EXOC6B: variants seen among roughly 807,000 people sequenced by gnomAD.
The protein encoded by EXOC6B is exocyst complex component 6B.
A neutral mutation model predicts 113.5 loss-of-function variants in EXOC6B; 54 were observed. The observed-to-expected ratio is 0.48, with a 90% CI of 0.38 to 0.60. EXOC6B has a LOEUF of 0.60. Ranked by LOEUF, EXOC6B falls within the 20% of genes least tolerant of loss-of-function variation. The pLI is 0.00. For missense variants in EXOC6B, 797 were observed against 977.5 expected (o/e 0.82, Z 2.46); for synonymous variants, 357 against 339.0 (o/e 1.05, Z -0.58).
chr2:72,663,169 C>A (rs1675145302), intron 6 of EXOC6B, among the ~76,000 whole-genome samples: 1 of 152,156 alleles, frequency 6.6e-6, no homozygotes, highest in Admixed American at 6.5e-5. Flanking sequence ...TGTAATACAT[C>A]CTTACAATGG....
intron 6 of EXOC6B, among the ~76,000 whole-genome samples, chr2:72,603,068 A>G (rs1370893842): frequency 3.0e-5 from 2 of 66,780 alleles, no homozygotes; most frequent in Admixed American, 2.3e-4. Flanking sequence ...GTGTACGGAC[A>G]GATGGTTTTT....
At chr2:72,691,597 TA>T (rs886758358) in intron 6 of EXOC6B, among the ~76,000 whole-genome samples, 5 of 151,458 alleles carry the variant, frequency 3.3e-5, no homozygotes, top group South Asian at 4.2e-4. Context: ...ACTATATGGG[TA>T]AAAAAAATTT....
At chr2:72,749,478 G>A (rs566447015) in intron 1 of EXOC6B, among the ~76,000 whole-genome samples, 6 of 151,774 alleles carry the variant, frequency 4.0e-5, no homozygotes, top group African/African-American at 9.7e-5. Flanking sequence ...AAGTAATTGC[G>A]GTTTTGCCAT....
At chr2:72,201,363 C>G (rs1312295578) in intron 20 of EXOC6B, among the ~76,000 whole-genome samples, 2 of 152,064 alleles carry the variant, frequency 1.3e-5, no homozygotes, top group African/African-American at 4.8e-5. Flanking sequence ...GCCCAGAAAG[C>G]AGGCAGCCTG....
intron 8 of EXOC6B, among the ~76,000 whole-genome samples, chr2:72,551,144 A>G (rs1053828569): frequency 6.6e-6 from 1 of 152,168 alleles, no homozygotes; most frequent in African/African-American, 2.4e-5. Flanking sequence ...ATGTGTGATT[A>G]AATTATTTCA....
At position 72,580,860 on chromosome 2, in the gene EXOC6B, T is replaced by A. The variant is rs117183706; in HGVS notation, c.670-5192A>T. On this transcript the variant is annotated intron_variant, in intron 6 of 21. Coordinates refer to ENST00000272427, the MANE Select transcript of EXOC6B (RefSeq NM_015189.3). ...CTGACAGAAATGTTTCTTTGCTTTG[T>A]TCCTTCCATAGTCAGTTCCAAAAGT... is the stretch of plus-strand genomic sequence containing the variant. Among the ~76,000 whole-genome samples, 157 of 152,354 alleles carry A rather than the reference T, an allele frequency of 1.0e-3. 2 individuals carry two copies. In the East Asian group the frequency reaches 0.026, roughly 25 times the overall value.
intron 19 of EXOC6B, among the ~76,000 whole-genome samples, chr2:72,346,529 C>T (rs1457331354): frequency 1.3e-5 from 2 of 151,994 alleles, no homozygotes; most frequent in Non-Finnish European, 2.9e-5. Context: ...GGTTGAATCT[C>T]AAAAGGTAAA....
intron 6 of EXOC6B, among the ~76,000 whole-genome samples, chr2:72,585,257 A>G (rs1042586362): frequency 1.3e-5 from 2 of 152,226 alleles, no homozygotes; most frequent in Admixed American, 1.3e-4. Flanking sequence ...ATTATGAGCT[A>G]GATTAACAAA....
intron 17 of EXOC6B, among the ~76,000 whole-genome samples, chr2:72,467,778 A>C (rs192331393): frequency 1.4e-5 from 2 of 147,984 alleles, no homozygotes; most frequent in African/African-American, 2.5e-5. Context: ...TTTTTTATTT[A>C]TTTTTTTTTT....
At chr2:72,598,017 C>T (rs1157242052) in intron 6 of EXOC6B, among the ~76,000 whole-genome samples, 5 of 151,802 alleles carry the variant, frequency 3.3e-5, no homozygotes, top group African/African-American at 1.2e-4. Context: ...CAACACACAT[C>T]TATCAATAAT....
chr2:72,498,604 CGG>C, intron 12 of EXOC6B, 53 bp from the exon 13 acceptor site: 1 of 1,092,776 alleles, frequency 9.2e-7, no homozygotes, highest in East Asian at 3.0e-5. Flanking sequence ...GTTTTTTTTT[CGG>C]TTTTTTTTTT....
chr2:72,783,815 A>ATTTCC (rs1367804207), intron 1 of EXOC6B, among the ~76,000 whole-genome samples: 5 of 151,978 alleles, frequency 3.3e-5, no homozygotes, highest in Non-Finnish European at 5.9e-5. Flanking sequence ...ACTGCTGACC[A>ATTTCC]TTTCCTTTGC....
intron 6 of EXOC6B, among the ~76,000 whole-genome samples, chr2:72,598,989 AAT>A (rs1670234620): frequency 6.6e-6 from 1 of 152,106 alleles, no homozygotes; most frequent in Non-Finnish European, 1.5e-5. Context: ...GAAATTATTG[AAT>A]TCTCTACAAT....
rs531085032 is a variant in EXOC6B, at chr2:72,588,246, T to C, written c.670-12578A>G. Among the ~76,000 whole-genome samples the C allele has an allele frequency of 2.0e-5, 3 of 152,220 alleles. No individual in the cohort carries two copies. In the East Asian group the frequency reaches 5.8e-4, roughly 29 times the overall value. Reference sequence around the variant, plus strand: ...CTGCAAGCACATGTCCGTTGCAGCATTATTAACAACAGCCAAGAGGTGAAA... The same window carrying C: ...CTGCAAGCACATGTCCGTTGCAGCACTATTAACAACAGCCAAGAGGTGAAA... On this transcript the variant is annotated intron_variant, in intron 6 of 21. Coordinates refer to ENST00000272427, the MANE Select transcript of EXOC6B (RefSeq NM_015189.3).
intron 19 of EXOC6B, among the ~76,000 whole-genome samples, chr2:72,375,627 T>C (rs1261100427): frequency 6.6e-6 from 1 of 152,060 alleles, no homozygotes; most frequent in Non-Finnish European, 1.5e-5. Context: ...AATTAAAACA[T>C]GACATATCAA....
chr2:72,315,663 A>C (rs1364009897), intron 20 of EXOC6B, among the ~76,000 whole-genome samples: 1 of 152,142 alleles, frequency 6.6e-6, no homozygotes, highest in Non-Finnish European at 1.5e-5. Flanking sequence ...TTGCTGACAG[A>C]TTGGACGTGT....
chr2:72,565,546 G>A (rs951916552), intron 7 of EXOC6B, among the ~76,000 whole-genome samples: 4 of 151,810 alleles, frequency 2.6e-5, no homozygotes, highest in African/African-American at 7.3e-5. Flanking sequence ...GGTTAAAATC[G>A]CTACATTATT....
In EXOC6B at chr2:72,496,540, T is replaced by G; in HGVS notation, c.1357A>C (p.Asn453His). Residue 453 changes from asparagine to histidine, a missense_variant, in exon 14 of 22, where the codon AAC (asparagine) becomes CAC (histidine). Asn to His is a moderately conservative substitution (Grantham distance 68). Coordinates refer to ENST00000272427, the MANE Select transcript of EXOC6B (RefSeq NM_015189.3). ...CTTGTTACTGGTATAGGACTGTAGT[T>G]GTCAGAATCAAGTATGTTTCTATAA... is the stretch of plus-strand genomic sequence containing the variant. Reference protein sequence around the residue: ...GIFRNILDSDNYSPIPVTSEE... With the variant: ...GIFRNILDSDHYSPIPVTSEE... 1 of 1,590,406 alleles carries G rather than the reference T, an allele frequency of 6.3e-7. No individual in the cohort carries two copies. Among genetic ancestry groups the G allele is most frequent in the South Asian group, 1.1e-5 (1 of 87,828 alleles).
rs1392024518 is a variant in EXOC6B at position 72,631,433 on chromosome 2, T to C, written c.670-55765A>G. On this transcript the variant is annotated intron_variant, in intron 6 of 21. Transcript: ENST00000272427. The stretch of plus-strand genomic sequence containing the variant: ...GTGTGTGTGTGTGTGTGTGTATATA[T>C]ATATATATATATATATATATATATA... Among the ~76,000 whole-genome samples, 4 of 12,254 alleles carry C rather than the reference T, an allele frequency of 3.3e-4. 1 individual carries two copies. Among genetic ancestry groups the C allele is most frequent in the African/African-American group, 1.3e-3 (4 of 3,136 alleles). The allele number at this position is 12,254 out of a possible 152,430, so 8.0% of individuals were successfully genotyped here. A position where few individuals can be genotyped will look rare whatever the true frequency, so the allele number is the denominator to read the frequency against.
Sources: gnomAD v4.1 joint callset for allele counts (sites outside exome capture counted in the v4.1 genomes callset) on GRCh38, gnomAD v4.1.1 for gene constraint, MANE v1.5 for transcripts, NCBI Gene and HGNC (gene_info 2026-07-23, HGNC 2026-07-21) for gene names.